MAPT: variants seen among roughly 807,000 people sequenced by gnomAD.
MAPT encodes the protein microtubule associated protein tau.
MAPT carries 34 observed loss-of-function variants against 67.9 expected under a neutral mutation model. That is an observed-to-expected ratio of 0.50 (90% CI 0.38 to 0.67). The LOEUF is 0.67. MAPT is among the 30% of genes least tolerant of loss of function. The pLI, the probability that MAPT is intolerant of heterozygous loss-of-function variation, is 0.00. For missense variants in MAPT, 881 were observed against 1,115.2 expected, an observed-to-expected ratio of 0.79 and a Z score of 2.99; for synonymous variants, 456 against 464.5, an observed-to-expected ratio of 0.98 and a Z score of 0.23.
intron 4 of MAPT, among the ~76,000 whole-genome samples, chr17:45,981,504 G>A (rs186963855): frequency 8.2e-4 from 125 of 152,248 alleles, no homozygotes; most frequent in African/African-American, 2.6e-3. Context: ...ACTGTCTGCC[G>A]TGCAGAGCCC....
At chr17:45,914,476 C>T (rs62056843) in intron 1 of MAPT, among the ~76,000 whole-genome samples, 3 of 152,180 alleles carry the variant, frequency 2.0e-5, no homozygotes. Flanking sequence ...GCGGGTGCCC[C>T]TCAGATCCTG....
At chr17:45,930,152 C>A (rs553910402) in intron 1 of MAPT, among the ~76,000 whole-genome samples, 93 of 152,262 alleles carry the variant, frequency 6.1e-4, no homozygotes, top group African/African-American at 2.2e-3. Flanking sequence ...GTAATCCCAG[C>A]ACTTTGGGAG....
intron 1 of MAPT, among the ~76,000 whole-genome samples, chr17:45,925,084 A>C (rs2144533242): frequency 6.6e-6 from 1 of 152,248 alleles, no homozygotes; most frequent in East Asian, 1.9e-4. Flanking sequence ...CTTTTATCCC[A>C]TGATCCCTTG....
intron 1 of MAPT, among the ~76,000 whole-genome samples, chr17:45,934,747 C>T (rs2067166390): frequency 6.6e-6 from 1 of 152,188 alleles, no homozygotes; most frequent in Admixed American, 6.5e-5. Context: ...GTAGCTAATT[C>T]CATGTCTTCT....
At chr17:45,980,897 G>A (rs1294280249) in intron 4 of MAPT, among the ~76,000 whole-genome samples, 2 of 152,144 alleles carry the variant, frequency 1.3e-5, no homozygotes, top group Non-Finnish European at 2.9e-5. Context: ...CTCCCATAAG[G>A]CACCTGCAGA....
chr17:45,922,485 G>GAACA (rs958993703), intron 1 of MAPT, among the ~76,000 whole-genome samples: 13 of 87,254 alleles, frequency 1.5e-4, no homozygotes, highest in African/African-American at 5.2e-4. Flanking sequence ...GCTAGCTAGA[G>GAACA]AACACACACA....
At chr17:46,003,187 C>A (rs558556377) in intron 9 of MAPT, among the ~76,000 whole-genome samples, 2 of 152,102 alleles carry the variant, frequency 1.3e-5, no homozygotes, top group South Asian at 4.1e-4. Context: ...CTCTGCCCAT[C>A]TCTCCGATCT....
intron 6 of MAPT, among the ~76,000 whole-genome samples, chr17:45,989,595 G>A (rs1368262117): frequency 6.6e-6 from 1 of 152,180 alleles, no homozygotes; most frequent in Non-Finnish European, 1.5e-5. Flanking sequence ...AGCTTGCAGT[G>A]AGCCGAGATT....
At chr17:45,962,496 G>A (rs2070553682) in intron 2 of MAPT, 26 bp downstream of exon 2, 3 of 1,611,672 alleles carry the variant, frequency 1.9e-6, no homozygotes, top group African/African-American at 2.7e-5. Flanking sequence ...TGCACAGCAG[G>A]CCCAGATCAC....
At chr17:45,974,812 T>C (rs1598229188) in intron 3 of MAPT, 2 of 359,644 alleles carry the variant, frequency 5.6e-6, no homozygotes, top group East Asian at 6.4e-5. Context: ...CTGAGGTCAG[T>C]CCACCCTCCT....
chr17:46,010,289 C>T lies in MAPT; in HGVS notation c.1999-21C>T. The T allele has an allele frequency of 6.5e-7, 1 of 1,532,114 alleles. No homozygotes were observed. The highest frequency in any genetic ancestry group is 2.4e-5 in the East Asian group (1 of 41,914). 94.9% of individuals were successfully genotyped at this position (1,532,114 alleles called of 1,614,324 possible). A position where few individuals can be genotyped will look rare whatever the true frequency, so the allele number is the denominator to read the frequency against. On this transcript the variant is annotated intron_variant, in intron 9 of 12. Transcript: ENST00000262410. The surrounding 1 kb of genome is among the most constrained non-coding windows in gnomAD (Gnocchi z 4.7). ...GGGTCCAGGGTGGCGTGTCACTCAT[C>T]CTTTTTTCTGGCTACCAAAGGTGCA...
At position 45,909,173 on chromosome 17, in the gene MAPT, C is replaced by T. The variant is rs547144660; in HGVS notation, c.-18+14487C>T. ...ATTGGGCAGCCCAGGGCACACTGGT[C>T]ATAGCCTTAGACCACGAACACCCTG... On this transcript the variant is annotated intron_variant, in intron 1 of 12. Transcript: ENST00000262410. 4.6e-5 allele frequency among the ~76,000 whole-genome samples: 7 copies of T among 151,782 alleles called. No homozygotes were observed. In the East Asian group the frequency reaches 1.4e-3, roughly 30 times the overall value.
At chr17:45,999,563 C>G in intron 9 of MAPT, 2 of 1,612,800 alleles carry the variant, frequency 1.2e-6, no homozygotes, top group Non-Finnish European at 8.5e-7. Flanking sequence ...AGACAACTTT[C>G]CATTGAAGGC....
At chr17:45,945,512 C>A (rs1305805472) in intron 1 of MAPT, among the ~76,000 whole-genome samples, 1 of 152,122 alleles carries the variant, frequency 6.6e-6, no homozygotes, top group Non-Finnish European at 1.5e-5. Flanking sequence ...TGGAGGTCAA[C>A]CAAAAGACAA....
chr17:45,984,259 C>T (rs1166222741), intron 5 of MAPT, among the ~76,000 whole-genome samples: 1 of 152,236 alleles, frequency 6.6e-6, no homozygotes, highest in Non-Finnish European at 1.5e-5. Flanking sequence ...GGGTGCCTTC[C>T]ACCGACAGGA....
At chr17:45,898,842 G>T (rs1230885602) in intron 1 of MAPT, 1 of 152,200 alleles carries the variant, frequency 6.6e-6, no homozygotes, top group African/African-American at 2.4e-5. Flanking sequence ...ATCCATGAAG[G>T]ATAAATGGGG....
At chr17:45,911,262 G>A (rs2064768622) in intron 1 of MAPT, among the ~76,000 whole-genome samples, 1 of 152,186 alleles carries the variant, frequency 6.6e-6, no homozygotes, top group Non-Finnish European at 1.5e-5. Context: ...ATAGCGCATG[G>A]CACAGAATAA....
chr17:45,995,138 C>T lies in MAPT; in HGVS notation c.1733-1261C>T, dbSNP rs2074373988. The stretch of plus-strand genomic sequence containing the variant: ...AAGCTGCCCATTGGCTACATGGGTG[C>T]TTCAAAGAGCTGCCCTTCTCCAGGT... On this transcript the variant is annotated intron_variant, in intron 8 of 12. Transcript: ENST00000262410. This position sits in a 1 kb window ranked among gnomAD's most constrained non-coding sequence, Gnocchi z 4.3. 6.6e-6 allele frequency among the ~76,000 whole-genome samples: 1 copy of T among 152,182 alleles called. No homozygotes were observed. The highest frequency in any genetic ancestry group is 1.5e-5 in the Non-Finnish European group (1 of 68,048).
At chr17:45,961,419 A>G (rs62063281) in intron 1 of MAPT, among the ~76,000 whole-genome samples, 21,918 of 152,156 alleles carry the variant, frequency 0.14, 2,065 homozygotes, top group Middle Eastern at 0.21. Flanking sequence ...CCGTTGGAAC[A>G]CACACGTGGG....
Sources: gnomAD v4.1 joint callset for allele counts (sites outside exome capture counted in the v4.1 genomes callset) on GRCh38, gnomAD v4.1.1 for gene constraint, Gnocchi (gnomAD v3.1) non-coding constraint, MANE v1.5 for transcripts, NCBI Gene and HGNC (gene_info 2026-07-23, HGNC 2026-07-21) for gene names.